Variants in LRRC4C observed in about 807,000 individuals in gnomAD.
LRRC4C encodes the protein leucine-rich repeat-containing protein 4C.
A neutral mutation model predicts 33.6 loss-of-function variants in LRRC4C; 5 were observed. The observed-to-expected ratio is 0.15, with a 90% CI of 0.08 to 0.31. The LOEUF (loss-of-function observed/expected upper bound fraction) is 0.31. Ranked by LOEUF, LRRC4C falls within the 10% of genes least tolerant of loss-of-function variation. LRRC4C has a pLI of 1.00. For missense variants in LRRC4C, 560 were observed against 796.7 expected, an observed-to-expected ratio of 0.70 and a Z score of 3.58; for synonymous variants, 329 against 302.0, an observed-to-expected ratio of 1.09 and a Z score of -0.93.
intron 1 of LRRC4C, among the ~76,000 whole-genome samples, chr11:41,130,532 CCAGA>C (rs1376191840): frequency 6.6e-6 from 1 of 151,886 alleles, no homozygotes; most frequent in Non-Finnish European, 1.5e-5. Flanking sequence ...CTTATATCAT[CCAGA>C]CATTTACTGT....
intron 2 of LRRC4C, among the ~76,000 whole-genome samples, chr11:40,769,108 A>G (rs1949626118): frequency 6.6e-6 from 1 of 152,152 alleles, no homozygotes; most frequent in Non-Finnish European, 1.5e-5. Context: ...AAAAACTATT[A>G]TAACTGATAA....
At chr11:40,740,091 A>G (rs1948087263) in intron 2 of LRRC4C, among the ~76,000 whole-genome samples, 1 of 151,990 alleles carries the variant, frequency 6.6e-6, no homozygotes, top group African/African-American at 2.4e-5. Context: ...TTGATTCCAT[A>G]TCTTGGCTAT....
chr11:40,233,049 G>A (rs1373698666), intron 5 of LRRC4C, among the ~76,000 whole-genome samples: 1 of 152,038 alleles, frequency 6.6e-6, no homozygotes, highest in Non-Finnish European at 1.5e-5. Flanking sequence ...TAGATTTTTT[G>A]TTTTTCAGTC....
At chr11:41,360,208 A>G (rs570859397) in intron 1 of LRRC4C, among the ~76,000 whole-genome samples, 15 of 152,244 alleles carry the variant, frequency 9.9e-5, no homozygotes, top group African/African-American at 3.1e-4. Context: ...ACAAACAAAC[A>G]GAATAAAATC....
chr11:40,779,141 A>C (rs892241247), intron 2 of LRRC4C, among the ~76,000 whole-genome samples: 13 of 152,066 alleles, frequency 8.5e-5, no homozygotes, highest in African/African-American at 2.9e-4. Flanking sequence ...TAAAATGACT[A>C]TTTTGGCCTC....
chr11:40,382,751 T>C (rs997937152), intron 3 of LRRC4C, among the ~76,000 whole-genome samples: 3 of 139,890 alleles, frequency 2.1e-5, no homozygotes, highest in African/African-American at 8.1e-5. Flanking sequence ...TGGATTTCAG[T>C]GGCTCGATCT....
chr11:41,267,783 T>G (rs906925570), intron 1 of LRRC4C, among the ~76,000 whole-genome samples: 1 of 152,096 alleles, frequency 6.6e-6, no homozygotes, highest in African/African-American at 2.4e-5. Flanking sequence ...TGCTTTAGAA[T>G]GAAGGATAAT....
chr11:40,694,627 C>A (rs1009830242), intron 2 of LRRC4C, among the ~76,000 whole-genome samples: 4 of 152,098 alleles, frequency 2.6e-5, no homozygotes, highest in African/African-American at 9.7e-5. Flanking sequence ...AGAGACATTA[C>A]AGAACTCAAG....
chr11:40,991,170 T>C (rs1276703164), intron 1 of LRRC4C, among the ~76,000 whole-genome samples: 2 of 134,128 alleles, frequency 1.5e-5, no homozygotes, highest in African/African-American at 2.9e-5. Flanking sequence ...AAGACTTGTA[T>C]CCACCACAGT....
rs187136612 is a variant in LRRC4C at position 40,747,534 on chromosome 11, G to A, written c.-406-99256C>T. Among the ~76,000 whole-genome samples the A allele has an allele frequency of 3.9e-4, 59 of 152,082 alleles. No homozygotes were observed. The East Asian group carries it at 5.4e-3, about 14-fold the overall frequency. On this transcript the variant is annotated intron_variant, in intron 2 of 6. Coordinates refer to ENST00000528697, the MANE Select transcript of LRRC4C (RefSeq NM_001258419.2). ...AATATGATGTCACCACCGAAGGAGC[G>A]TGATAATTCTCCAGCAACAGAGCAC...
chr11:40,517,027 C>T (rs187779134), intron 3 of LRRC4C, among the ~76,000 whole-genome samples: 1 of 152,212 alleles, frequency 6.6e-6, no homozygotes, highest in African/African-American at 2.4e-5. Flanking sequence ...CATGGTTATA[C>T]AATGGTCAGT....
At chr11:40,723,658 A>G (rs1340855963) in intron 2 of LRRC4C, among the ~76,000 whole-genome samples, 1 of 152,132 alleles carries the variant, frequency 6.6e-6, no homozygotes, top group Non-Finnish European at 1.5e-5. Context: ...ACAAAAACAT[A>G]CATAAGTACA....
chr11:40,671,304 T>C (rs1350919963), intron 2 of LRRC4C, among the ~76,000 whole-genome samples: 1 of 152,214 alleles, frequency 6.6e-6, no homozygotes, highest in Admixed American at 6.5e-5. Context: ...TTTGAAATAG[T>C]ATTTTGTTTT....
chr11:40,418,218 C>A (rs1950397066), intron 3 of LRRC4C, among the ~76,000 whole-genome samples: 1 of 151,880 alleles, frequency 6.6e-6, no homozygotes, highest in South Asian at 2.1e-4. Flanking sequence ...TATAGAAAGA[C>A]AAAGGTCTAA....
intron 2 of LRRC4C, among the ~76,000 whole-genome samples, chr11:40,763,404 A>C (rs74321892): frequency 2.5e-3 from 383 of 152,270 alleles, no homozygotes; most frequent in African/African-American, 8.7e-3. Flanking sequence ...AGATGGCTGA[A>C]TAGAACTTTC....
chr11:40,174,367 C>T (rs1860296061), intron 5 of LRRC4C, among the ~76,000 whole-genome samples: 1 of 152,112 alleles, frequency 6.6e-6, no homozygotes. Context: ...TCAGGAGTAA[C>T]TTTAACAAGT....
chr11:40,842,166 G>A (rs986905299), intron 2 of LRRC4C, among the ~76,000 whole-genome samples: 3 of 152,112 alleles, frequency 2.0e-5, no homozygotes, highest in Admixed American at 6.6e-5. Flanking sequence ...TTTGTCTTTA[G>A]GGGACAGTGA....
chr11:40,304,393 A>C (rs1008755908), intron 4 of LRRC4C, among the ~76,000 whole-genome samples: 1 of 152,204 alleles, frequency 6.6e-6, no homozygotes, highest in African/African-American at 2.4e-5. Flanking sequence ...CTGGTAACAT[A>C]ATACGTAGAT....
chr11:41,459,439 TGGATCCTCAAAGTTCACCAA>T lies in LRRC4C; in HGVS notation c.-524_-505del, dbSNP rs1956268986. On this transcript the variant is annotated 5_prime_UTR_variant, in exon 1 of 7. Coordinates refer to ENST00000528697, the MANE Select transcript of LRRC4C (RefSeq NM_001258419.2). ...GGAGTCCCGTGACTTACCTTCTTTATGGATCCTCAAAGTTCACCAAGGAAAATTTACAATCCTCTAGCTTG... is the reference window on the plus strand; with the variant it reads ...GGAGTCCCGTGACTTACCTTCTTTATGGAAAATTTACAATCCTCTAGCTTG... The T allele has an allele frequency of 6.6e-6, 1 of 152,164 alleles. No homozygotes were observed. The highest frequency in any genetic ancestry group is 6.5e-5 in the Admixed American group (1 of 15,272). 9.4% of individuals were successfully genotyped at this position (152,164 alleles called of 1,614,324 possible).
Sources: gnomAD v4.1 joint callset for allele counts (sites outside exome capture counted in the v4.1 genomes callset) on GRCh38, gnomAD v4.1.1 for gene constraint, MANE v1.5 for transcripts, NCBI Gene and HGNC (gene_info 2026-07-23, HGNC 2026-07-21) for gene names.